DPYD: variants seen among roughly 807,000 people sequenced by gnomAD.
DPYD encodes the protein dihydropyrimidine dehydrogenase [NADP(+)].
In DPYD, 109 loss-of-function variants were observed where a neutral mutation model predicts 116.2. The ratio of observed to expected loss-of-function variants is 0.94; its 90% CI spans 0.80 to 1.10. The LOEUF is 1.10. Ranked by LOEUF, DPYD falls within the 50% of genes least tolerant of loss-of-function variation. The probability of loss-of-function intolerance (pLI) is 0.00; values close to 1 mark genes in which losing one functional copy is unlikely to be tolerated. For missense variants in DPYD, 1,302 were observed against 1,254.5 expected (o/e 1.04, Z -0.57); for synonymous variants, 440 against 432.0 (o/e 1.02, Z -0.23).
chr1:97,560,017 C>T (rs1652030040), intron 11 of DPYD, among the ~76,000 whole-genome samples: 1 of 152,088 alleles, frequency 6.6e-6, no homozygotes, highest in Non-Finnish European at 1.5e-5. Context: ...AGGATTTAAA[C>T]CTCACTAGAA....
At chr1:97,173,278 G>GCA (rs1305558881) in intron 20 of DPYD, among the ~76,000 whole-genome samples, 2 of 146,986 alleles carry the variant, frequency 1.4e-5, no homozygotes, top group Non-Finnish European at 3.0e-5. Context: ...ACATATATAT[G>GCA]CACACATATA....
intron 18 of DPYD, among the ~76,000 whole-genome samples, chr1:97,243,261 T>C (rs982181017): frequency 6.6e-6 from 1 of 152,112 alleles, no homozygotes; most frequent in South Asian, 2.1e-4. Context: ...GTGATTAACT[T>C]AGAAAAGAAG....
chr1:97,107,699 G>A (rs1651273676), intron 20 of DPYD, among the ~76,000 whole-genome samples: 1 of 151,908 alleles, frequency 6.6e-6, no homozygotes, highest in Admixed American at 6.6e-5. Flanking sequence ...AACACTGAGG[G>A]GCATAAAGAC....
At chr1:97,556,174 T>C (rs556038213) in intron 11 of DPYD, among the ~76,000 whole-genome samples, 35 of 152,210 alleles carry the variant, frequency 2.3e-4, no homozygotes, top group Admixed American at 1.8e-3. Context: ...CTCCCCCTTG[T>C]TGTGCTCCTT....
At chr1:97,606,167 C>A (rs748938963) in intron 8 of DPYD, among the ~76,000 whole-genome samples, 28 of 151,922 alleles carry the variant, frequency 1.8e-4, no homozygotes, top group Non-Finnish European at 3.4e-4. Context: ...AAATACAAAT[C>A]CTAGGTATTA....
intron 14 of DPYD, among the ~76,000 whole-genome samples, chr1:97,385,384 G>A (rs188972659): frequency 6.8e-6 from 1 of 146,862 alleles, no homozygotes; most frequent in East Asian, 2.1e-4. Flanking sequence ...AGAGCCCTGA[G>A]GCTTATTGCT....
At chr1:97,099,960 A>G (rs1287242876) in intron 20 of DPYD, among the ~76,000 whole-genome samples, 13 of 152,114 alleles carry the variant, frequency 8.5e-5, no homozygotes, top group Admixed American at 3.3e-4. Context: ...TCAATTCATT[A>G]TAATTATGTC....
At chr1:97,566,598 T>G (rs1284182306) in intron 11 of DPYD, among the ~76,000 whole-genome samples, 1 of 152,166 alleles carries the variant, frequency 6.6e-6, no homozygotes, top group Admixed American at 6.6e-5. Flanking sequence ...AATCTGTTCT[T>G]TGAAACTTCA....
At chr1:97,140,405 G>A (rs1411580202) in intron 20 of DPYD, among the ~76,000 whole-genome samples, 2 of 152,112 alleles carry the variant, frequency 1.3e-5, no homozygotes, top group Non-Finnish European at 2.9e-5. Context: ...CGAAGCATAG[G>A]AAATCATAAT....
intron 8 of DPYD, among the ~76,000 whole-genome samples, chr1:97,609,272 C>T (rs192633804): frequency 3.8e-4 from 58 of 151,926 alleles, no homozygotes; most frequent in Non-Finnish European, 7.4e-4. Flanking sequence ...GGGCCACTAC[C>T]GGCAATGAAG....
intron 13 of DPYD, among the ~76,000 whole-genome samples, chr1:97,472,730 C>T (rs1434780088): frequency 2.0e-5 from 3 of 152,074 alleles, no homozygotes; most frequent in Admixed American, 6.5e-5. Flanking sequence ...AAAACCATAA[C>T]CTTTTCTCAA....
chr1:97,285,293 A>G (rs539151949), intron 18 of DPYD, among the ~76,000 whole-genome samples: 1 of 152,354 alleles, frequency 6.6e-6, no homozygotes, highest in South Asian at 2.1e-4. Flanking sequence ...GCAGAAACGA[A>G]GAGAAATGAA....
intron 14 of DPYD, among the ~76,000 whole-genome samples, chr1:97,394,982 G>A (rs1288637887): frequency 1.3e-5 from 2 of 151,924 alleles, no homozygotes; most frequent in Non-Finnish European, 2.9e-5. Context: ...TTTCTAATCA[G>A]CTAAGCATTT....
chr1:97,662,526 G>A (rs1379418087), intron 8 of DPYD, among the ~76,000 whole-genome samples: 3 of 151,902 alleles, frequency 2.0e-5, no homozygotes, highest in Admixed American at 1.3e-4. Context: ...CCAGCTATTC[G>A]GGAAGCTGAG....
At position 97,405,911 on chromosome 1, in the gene DPYD, T is replaced by C. The variant is rs948327164; in HGVS notation, c.1906-23450A>G. ...GCTCTGCCATATTATGAAATGGTTC[T>C]TCTTCTCTTCCCCCTGCCAGAAGCA... On this transcript the variant is annotated intron_variant, in intron 14 of 22. Coordinates refer to ENST00000370192, the MANE Select transcript of DPYD (RefSeq NM_000110.4). 2.6e-5 allele frequency among the ~76,000 whole-genome samples: 4 copies of C among 152,176 alleles called. No individual in the cohort carries two copies. In the East Asian group the frequency reaches 5.8e-4, roughly 22 times the overall value.
At chr1:97,232,518 GA>G (rs1661649177) in intron 19 of DPYD, among the ~76,000 whole-genome samples, 1 of 151,982 alleles carries the variant, frequency 6.6e-6, no homozygotes, top group South Asian at 2.1e-4. Flanking sequence ...CTGGGACTCT[GA>G]GGACATTAGT....
intron 18 of DPYD, among the ~76,000 whole-genome samples, chr1:97,268,271 C>T (rs1172767802): frequency 6.6e-6 from 1 of 152,042 alleles, no homozygotes; most frequent in Non-Finnish European, 1.5e-5. Context: ...GTCTTATGCC[C>T]GCAGTTCTCC....
intron 16 of DPYD, chr1:97,322,971 C>G (rs1668388877): frequency 6.6e-6 from 1 of 151,746 alleles, no homozygotes; most frequent in African/African-American, 2.4e-5. Context: ...TCTTATTTCT[C>G]AGCATCTCTT....
chr1:97,653,058 A>T (rs1011012291), intron 8 of DPYD, among the ~76,000 whole-genome samples: 1 of 151,702 alleles, frequency 6.6e-6, no homozygotes, highest in African/African-American at 2.4e-5. Context: ...TAAAGACTCA[A>T]CCCCCTAGAT....
Sources: gnomAD v4.1 joint callset for allele counts (sites outside exome capture counted in the v4.1 genomes callset) on GRCh38, gnomAD v4.1.1 for gene constraint, MANE v1.5 for transcripts, NCBI Gene and HGNC (gene_info 2026-07-23, HGNC 2026-07-21) for gene names.